Variants in KCNQ1OT1 observed in about 807,000 individuals in gnomAD.
KCNQ1OT1 encodes KCNQ1 opposite strand/antisense transcript 1.
At position 2,674,598 on chromosome 11, in the gene KCNQ1OT1, A is replaced by G; in HGVS notation, n.25397T>C. On this transcript the variant is annotated non_coding_transcript_exon_variant, in exon 1 of 1. Transcript: ENST00000597346. The surrounding 1 kb of genome is among the most constrained non-coding windows in gnomAD (Gnocchi z 5.9). ...ATGCTAGTTGTGTTGCCTTTTAAAT[A>G]GGCTCTGGCTTAAAACAGTCACAGC... 2.5e-6 allele frequency: 1 copy of G among 398,650 alleles called. No individual in the cohort carries two copies. The highest frequency in any genetic ancestry group is 4.4e-6 in the Non-Finnish European group (1 of 226,078). The allele number at this position is 398,650 out of a possible 1,614,324, so 24.7% of individuals were successfully genotyped here. A position where few individuals can be genotyped will look rare whatever the true frequency, so the allele number is the denominator to read the frequency against.
exon 1 of KCNQ1OT1, chr11:2,665,734 C>G: frequency 2.5e-6 from 1 of 398,558 alleles, no homozygotes; most frequent in Non-Finnish European, 4.4e-6. Context: ...CTCCCCAGAA[C>G]CCCCAAAGCC....
At chr11:2,648,204 C>T (rs375900497) in exon 1 of KCNQ1OT1, 17 of 23,782 alleles carry the variant, frequency 7.1e-4, no homozygotes, top group African/African-American at 1.9e-3. Context: ...GACCGTGTCT[C>T]GGGGGGTGGG....
rs939993806 is a variant in KCNQ1OT1 at position 2,616,763 on chromosome 11, T to C, written n.83232A>G. On this transcript the variant is annotated non_coding_transcript_exon_variant, in exon 1 of 1. Coordinates refer to ENST00000597346, the Ensembl canonical transcript of KCNQ1OT1. ...AGTTAGAGAAGATATTTTGTATGATTTCTATATTTTAAAATTTATTGAGAC... is the reference window on the plus strand; with the variant it reads ...AGTTAGAGAAGATATTTTGTATGATCTCTATATTTTAAAATTTATTGAGAC... The C allele has an allele frequency of 5.5e-5, 22 of 397,994 alleles. No homozygotes were observed. The Middle Eastern group carries it at 2.5e-3, about 45-fold the overall frequency. 24.7% of individuals were successfully genotyped at this position (397,994 alleles called of 1,614,324 possible). A position where few individuals can be genotyped will look rare whatever the true frequency, so the allele number is the denominator to read the frequency against.
Position 2,674,341 on chromosome 11 carries a change from A to T in KCNQ1OT1, n.25654T>A, listed in dbSNP as rs1850248567. On this transcript the variant is annotated non_coding_transcript_exon_variant, in exon 1 of 1. Transcript: ENST00000597346. The surrounding 1 kb of genome is among the most constrained non-coding windows in gnomAD (Gnocchi z 5.9). The stretch of plus-strand genomic sequence containing the variant: ...CCAAGGACACCCTCTGGAAATCTGA[A>T]TTCCATTCGCTCTTGGCAAAGAGCA... The T allele has an allele frequency of 2.6e-6, 1 of 387,440 alleles. No individual in the cohort carries two copies. The highest frequency in any genetic ancestry group is 4.5e-5 in the Admixed American group (1 of 22,336). The allele number at this position is 387,440 out of a possible 1,614,324, so 24.0% of individuals were successfully genotyped here.
chr11:2,680,670 T>G, exon 1 of KCNQ1OT1: 1 of 398,550 alleles, frequency 2.5e-6, no homozygotes, highest in Non-Finnish European at 4.4e-6. Context: ...ACAGGACATT[T>G]CTAACTCTTC....
chr11:2,639,051 G>C (rs1410010080), exon 1 of KCNQ1OT1: 1 of 152,044 alleles, frequency 6.6e-6, no homozygotes, highest in Non-Finnish European at 1.5e-5. Flanking sequence ...TTGTGCCATG[G>C]TTTTCTGCTC....
At chr11:2,672,691 G>A in exon 1 of KCNQ1OT1, 1 of 398,836 alleles carries the variant, frequency 2.5e-6, no homozygotes, top group Non-Finnish European at 4.4e-6. Context: ...ACAGCCAGCT[G>A]ATGGCAGAGC....
rs75662585 is a variant in KCNQ1OT1, at chr11:2,649,761, G to T, written n.50234C>A. The T allele has an allele frequency of 5.5e-5, 22 of 398,458 alleles. No individual in the cohort carries two copies. In the East Asian group the frequency reaches 7.8e-4, roughly 14 times the overall value. The allele number at this position is 398,458 out of a possible 1,614,324, so 24.7% of individuals were successfully genotyped here. A position where few individuals can be genotyped will look rare whatever the true frequency, so the allele number is the denominator to read the frequency against. ...TGATTTTTGACAGTTTGATGAAAATGTGCCTCAGAGAGGCCCTTTTAGGGT... is the reference window on the plus strand; with the variant it reads ...TGATTTTTGACAGTTTGATGAAAATTTGCCTCAGAGAGGCCCTTTTAGGGT... On this transcript the variant is annotated non_coding_transcript_exon_variant, in exon 1 of 1. Transcript: ENST00000597346.
At chr11:2,665,777 A>G (rs1305617170) in exon 1 of KCNQ1OT1, 15 of 398,154 alleles carry the variant, frequency 3.8e-5, no homozygotes, top group Non-Finnish European at 6.6e-5. Context: ...ATTGCTGCTC[A>G]CTCAACCCTG....
exon 1 of KCNQ1OT1, chr11:2,644,473 C>A (rs551038739): frequency 7.5e-6 from 3 of 398,136 alleles, no homozygotes; most frequent in Non-Finnish European, 1.3e-5. Flanking sequence ...ATTCATACCC[C>A]GAATTGTTTT....
exon 1 of KCNQ1OT1, chr11:2,625,925 G>T (rs1849254560): frequency 5.0e-6 from 2 of 398,406 alleles, no homozygotes; most frequent in Non-Finnish European, 4.4e-6. Context: ...GAAGTTCTCT[G>T]TATAATCTGG....
At chr11:2,692,395 T>G in exon 1 of KCNQ1OT1, 2 of 398,794 alleles carry the variant, frequency 5.0e-6, no homozygotes, top group Non-Finnish European at 8.8e-6. Flanking sequence ...CCCATTCCAA[T>G]CAATTATCTA....
chr11:2,631,373 T>C, exon 1 of KCNQ1OT1: 4 of 398,590 alleles, frequency 1.0e-5, no homozygotes, highest in Non-Finnish European at 1.8e-5. Flanking sequence ...CTGCTGATGC[T>C]TTCTATTTCA....
Position 2,651,837 on chromosome 11 carries a change from G to A in KCNQ1OT1, n.48158C>T, listed in dbSNP as rs1849760853. 2.5e-6 allele frequency: 1 copy of A among 398,658 alleles called. No individual in the cohort carries two copies. Among genetic ancestry groups the A allele is most frequent in the Middle Eastern group, 6.3e-4 (1 of 1,588 alleles). The allele number at this position is 398,658 out of a possible 1,614,324, so 24.7% of individuals were successfully genotyped here. On this transcript the variant is annotated non_coding_transcript_exon_variant, in exon 1 of 1. Coordinates refer to ENST00000597346, the Ensembl canonical transcript of KCNQ1OT1. The surrounding 1 kb of genome is among the most constrained non-coding windows in gnomAD (Gnocchi z 6.1). ...GAATGGAGCCCACAGGACCATACCAGACAGATGCCACCACATCTTTTCTTG... is the reference window on the plus strand; with the variant it reads ...GAATGGAGCCCACAGGACCATACCAAACAGATGCCACCACATCTTTTCTTG...
In KCNQ1OT1 at chr11:2,626,687, C is replaced by T. The variant is rs995044455; in HGVS notation, n.73308G>A. The T allele has an allele frequency of 2.5e-6, 1 of 397,842 alleles. No homozygotes were observed. Among genetic ancestry groups the T allele is most frequent in the Non-Finnish European group, 4.4e-6 (1 of 226,042 alleles). 24.6% of individuals were successfully genotyped at this position (397,842 alleles called of 1,614,324 possible). A position where few individuals can be genotyped will look rare whatever the true frequency, so the allele number is the denominator to read the frequency against. The stretch of plus-strand genomic sequence containing the variant: ...GGGAATAGAAGTGTGTACCATTACA[C>T]CTGGCCAATTATTTTATTTTTTGTA... On this transcript the variant is annotated non_coding_transcript_exon_variant, in exon 1 of 1. Coordinates refer to ENST00000597346, the Ensembl canonical transcript of KCNQ1OT1. This position sits in a 1 kb window ranked among gnomAD's most constrained non-coding sequence, Gnocchi z 4.0.
exon 1 of KCNQ1OT1, chr11:2,637,756 G>A (rs994766696): frequency 2.0e-5 from 3 of 152,202 alleles, no homozygotes; most frequent in Non-Finnish European, 4.4e-5. Flanking sequence ...TTCCGGTCTT[G>A]TTGATTTGTC....
chr11:2,666,626 C>T (rs1024130175), exon 1 of KCNQ1OT1: 16 of 398,520 alleles, frequency 4.0e-5, no homozygotes, highest in Non-Finnish European at 6.6e-5. Flanking sequence ...CAAGGGTGGC[C>T]CCAAATTTGG....
Position 2,612,877 on chromosome 11 carries a change from C to T in KCNQ1OT1, n.87118G>A, listed in dbSNP as rs1263821728. 3 of 398,410 alleles carry T rather than the reference C, an allele frequency of 7.5e-6. No homozygotes were observed. The highest frequency in any genetic ancestry group is 2.1e-5 in the African/African-American group (1 of 48,606). The allele number at this position is 398,410 out of a possible 1,614,324, so 24.7% of individuals were successfully genotyped here. A position where few individuals can be genotyped will look rare whatever the true frequency, so the allele number is the denominator to read the frequency against. Reference sequence around the variant, plus strand: ...CTGGATTCTAGTTCTTCTCCCTAACCAGGGATGATTTCTGTTACTCATTTA... The same window carrying T: ...CTGGATTCTAGTTCTTCTCCCTAACTAGGGATGATTTCTGTTACTCATTTA... On this transcript the variant is annotated non_coding_transcript_exon_variant, in exon 1 of 1. Coordinates refer to ENST00000597346, the Ensembl canonical transcript of KCNQ1OT1. This position sits in a 1 kb window ranked among gnomAD's most constrained non-coding sequence, Gnocchi z 5.5.
chr11:2,671,513 G>C lies in KCNQ1OT1; in HGVS notation n.28482C>G, dbSNP rs894300823. The stretch of plus-strand genomic sequence containing the variant: ...GGGATTATTTTTAGGGCCAATTCAA[G>C]GGATTTTTCAAAGGTTAATTTTGAC... On this transcript the variant is annotated non_coding_transcript_exon_variant, in exon 1 of 1. Transcript: ENST00000597346. This position sits in a 1 kb window ranked among gnomAD's most constrained non-coding sequence, Gnocchi z 4.7. 39 of 398,476 alleles carry C rather than the reference G, an allele frequency of 9.8e-5. No homozygotes were observed. Among genetic ancestry groups the C allele is most frequent in the Non-Finnish European group, 1.4e-4 (31 of 226,088 alleles). The allele number at this position is 398,476 out of a possible 1,614,324, so 24.7% of individuals were successfully genotyped here.
Sources: allele counts gnomAD v4.1 joint callset, GRCh38; gene constraint gnomAD v4.1.1; non-coding constraint Gnocchi (gnomAD v3.1); transcripts MANE v1.5; gene names NCBI Gene and HGNC (gene_info 2026-07-23, HGNC 2026-07-21).